The following DLGAP1 variants were observed in gnomAD, a reference collection of about 807,000 sequenced individuals.
DLGAP1 encodes disks large-associated protein 1.
A neutral mutation model predicts 90.8 loss-of-function variants in DLGAP1; 11 were observed. That is an observed-to-expected ratio of 0.12 (90% CI 0.08 to 0.20). DLGAP1 has a LOEUF of 0.20. Among genes scored for constraint, DLGAP1 ranks in the 10% least tolerant of loss-of-function variants. DLGAP1 has a pLI of 1.00. For synonymous variants in DLGAP1, 558 were observed against 540.7 expected (o/e 1.03, Z -0.44); for missense variants, 1,050 against 1,333.8 (o/e 0.79, Z 3.31).
chr18:4,340,373 G>A (rs483395), intron 1 of DLGAP1, among the ~76,000 whole-genome samples: 152,194 of 152,212 alleles, frequency 1, 76,088 homozygotes, highest in Non-Finnish European at 1. Context: ...TACTCAAAAC[G>A]GCATGCAATT....
chr18:3,632,620 C>T (rs528079047), intron 7 of DLGAP1, among the ~76,000 whole-genome samples: 13 of 152,206 alleles, frequency 8.5e-5, no homozygotes, highest in East Asian at 7.7e-4. Flanking sequence ...TATAATCCAA[C>T]GTCTTAATCC....
At chr18:4,164,019 C>G (rs2076891560) in intron 1 of DLGAP1, among the ~76,000 whole-genome samples, 1 of 152,074 alleles carries the variant, frequency 6.6e-6, no homozygotes, top group Non-Finnish European at 1.5e-5. Flanking sequence ...GTAGTACTAG[C>G]ACGGGTGAGT....
At chr18:4,072,192 T>G (rs1161723150) in intron 2 of DLGAP1, among the ~76,000 whole-genome samples, 1 of 152,132 alleles carries the variant, frequency 6.6e-6, no homozygotes, top group East Asian at 1.9e-4. Flanking sequence ...TTCTGAAGAC[T>G]TTCTCTTAGA....
intron 10 of DLGAP1, among the ~76,000 whole-genome samples, chr18:3,512,440 A>G (rs961391796): frequency 1.3e-5 from 2 of 152,166 alleles, no homozygotes; most frequent in African/African-American, 4.8e-5. Context: ...TTAAGAAGTA[A>G]GCACTCTTTA....
chr18:3,744,552 T>C (rs904374840), intron 5 of DLGAP1, among the ~76,000 whole-genome samples: 1 of 152,270 alleles, frequency 6.6e-6, no homozygotes, highest in African/African-American at 2.4e-5. Context: ...AAAATCTCCA[T>C]GTCAATTTTA....
intron 5 of DLGAP1, among the ~76,000 whole-genome samples, chr18:3,771,855 C>A (rs2064568553): frequency 6.6e-6 from 1 of 151,264 alleles, no homozygotes; most frequent in South Asian, 2.1e-4. Flanking sequence ...AAAAAAAAAT[C>A]CATGTGGCCA....
At chr18:4,013,172 G>C (rs1027595151) in intron 2 of DLGAP1, among the ~76,000 whole-genome samples, 2 of 152,162 alleles carry the variant, frequency 1.3e-5, no homozygotes, top group African/African-American at 4.8e-5. Context: ...AGTGTGTCTT[G>C]TGCTGTTGGG....
At chr18:4,152,664 A>G (rs1036177655) in intron 1 of DLGAP1, among the ~76,000 whole-genome samples, 1 of 152,238 alleles carries the variant, frequency 6.6e-6, no homozygotes, top group Non-Finnish European at 1.5e-5. Flanking sequence ...CAAGAACAAC[A>G]GAAACACAAC....
rs557358675 is a variant in DLGAP1, at chr18:3,786,892, G to A, written c.1172+27167C>T. 3.5e-4 allele frequency among the ~76,000 whole-genome samples: 53 copies of A among 152,224 alleles called. No individual in the cohort carries two copies. The South Asian group carries it at 0.011, about 31-fold the overall frequency. On this transcript the variant is annotated intron_variant, in intron 5 of 12. Transcript: ENST00000315677. ...TTCTAGCTCAAAGTCAAAGAACAGTGGAAAATGAATGTGCTTCAATGAGGA... is the reference window on the plus strand; with the variant it reads ...TTCTAGCTCAAAGTCAAAGAACAGTAGAAAATGAATGTGCTTCAATGAGGA...
At chr18:3,981,559 A>G (rs2073729828) in intron 3 of DLGAP1, among the ~76,000 whole-genome samples, 1 of 152,224 alleles carries the variant, frequency 6.6e-6, no homozygotes, top group South Asian at 2.1e-4. Flanking sequence ...GCCCAAGGCA[A>G]AGGGATGGCA....
chr18:4,226,963 G>A (rs189650613), intron 1 of DLGAP1, among the ~76,000 whole-genome samples: 1 of 151,776 alleles, frequency 6.6e-6, no homozygotes, highest in African/African-American at 2.4e-5. Context: ...CCTACAAGAA[G>A]GGCACTTCAC....
chr18:3,889,217 T>C (rs534096502), intron 3 of DLGAP1, among the ~76,000 whole-genome samples: 2 of 152,144 alleles, frequency 1.3e-5, no homozygotes, highest in Admixed American at 6.5e-5. Flanking sequence ...ACAGCCGTGA[T>C]GGAAGATGGA....
At chr18:3,681,990 T>C (rs955603709) in intron 7 of DLGAP1, among the ~76,000 whole-genome samples, 1 of 151,722 alleles carries the variant, frequency 6.6e-6, no homozygotes, top group African/African-American at 2.4e-5. Context: ...TGGTGGCACA[T>C]GCCTGTAATC....
intron 3 of DLGAP1, among the ~76,000 whole-genome samples, chr18:3,987,470 T>G (rs1249373452): frequency 3.3e-5 from 5 of 152,248 alleles, no homozygotes; most frequent in African/African-American, 1.2e-4. Flanking sequence ...ATGGCATCTG[T>G]CTACCAAAAG....
At chr18:4,033,767 T>C in intron 2 of DLGAP1, among the ~76,000 whole-genome samples, 1 of 148,244 alleles carries the variant, frequency 6.7e-6, no homozygotes, top group Non-Finnish European at 1.5e-5. Flanking sequence ...TGAGACAGAG[T>C]CTCGCTCTGT....
At chr18:4,193,510 A>G (rs560688718) in intron 1 of DLGAP1, among the ~76,000 whole-genome samples, 3 of 152,332 alleles carry the variant, frequency 2.0e-5, no homozygotes, top group African/African-American at 7.2e-5. Context: ...GTCAAATGCT[A>G]GGCTGCCACC....
intron 2 of DLGAP1, among the ~76,000 whole-genome samples, chr18:4,142,054 T>C (rs911418509): frequency 2.0e-5 from 3 of 152,178 alleles, no homozygotes; most frequent in African/African-American, 7.2e-5. Context: ...TGTCTGAGCA[T>C]TGAAGAATTA....
At chr18:3,978,493 G>A (rs961853243) in intron 3 of DLGAP1, 21 of 248,160 alleles carry the variant, frequency 8.5e-5, no homozygotes, top group Admixed American at 6.8e-4. Flanking sequence ...AGACCATGTC[G>A]TTGAGGTCAA....
intron 1 of DLGAP1, among the ~76,000 whole-genome samples, chr18:4,285,273 G>C (rs1232408803): frequency 2.0e-5 from 3 of 152,088 alleles, no homozygotes; most frequent in Non-Finnish European, 4.4e-5. Context: ...AAGCTAAAAG[G>C]GGAATGGAAA....
Sources: gnomAD v4.1 joint callset for allele counts (sites outside exome capture counted in the v4.1 genomes callset) on GRCh38, gnomAD v4.1.1 for gene constraint, MANE v1.5 for transcripts, NCBI Gene and HGNC (gene_info 2026-07-23, HGNC 2026-07-21) for gene names.